The following AGPAT3 variants were observed in gnomAD, a reference collection of about 807,000 sequenced individuals.
AGPAT3 encodes the protein 1-acylglycerol-3-phosphate O-acyltransferase 3, also known as 1-acyl-sn-glycerol-3-phosphate acyltransferase gamma.
AGPAT3 carries 5 observed loss-of-function variants against 47.3 expected under a neutral mutation model. The observed-to-expected ratio is 0.11, with a 90% CI of 0.06 to 0.22. AGPAT3 has a LOEUF of 0.22. AGPAT3 is among the 10% of genes least tolerant of loss of function. AGPAT3 has a pLI of 1.00. For synonymous variants in AGPAT3, 212 were observed against 208.3 expected (o/e 1.02, Z -0.15); for missense variants, 315 against 493.0 (o/e 0.64, Z 3.42).
At chr21:43,977,726 A>G (rs1298744515) in intron 7 of AGPAT3, among the ~76,000 whole-genome samples, 2 of 152,180 alleles carry the variant, frequency 1.3e-5, no homozygotes, top group South Asian at 2.1e-4. Flanking sequence ...AAAAAAATAC[A>G]AAGAAAAAAA....
intron 2 of AGPAT3, among the ~76,000 whole-genome samples, chr21:43,949,689 A>G (rs2088091079): frequency 6.6e-6 from 1 of 152,126 alleles, no homozygotes; most frequent in South Asian, 2.1e-4. Flanking sequence ...GGGTTTTTCC[A>G]TTTGTTCAGC....
intron 3 of AGPAT3, chr21:43,967,044 G>C (rs1460267768): frequency 6.6e-6 from 1 of 152,308 alleles, no homozygotes; most frequent in African/African-American, 2.4e-5. Context: ...CAGTTCTCCC[G>C]AAGGTGAATG....
At chr21:43,923,586 C>T (rs2086960157) in intron 2 of AGPAT3, among the ~76,000 whole-genome samples, 13 of 152,220 alleles carry the variant, frequency 8.5e-5, no homozygotes, top group Admixed American at 8.5e-4. Context: ...TGATCCATGA[C>T]CCAACTGGCT....
rs534895749 is a variant in AGPAT3, at chr21:43,947,692, C to CTT, written c.-48-11929_-48-11928dup. 4.2e-4 allele frequency among the ~76,000 whole-genome samples: 59 copies of CTT among 142,066 alleles called. 1 individual carries two copies. The highest frequency in any genetic ancestry group is 7.4e-3 in the Middle Eastern group (2 of 272). The allele number at this position is 142,066 out of a possible 152,430, so 93.2% of individuals were successfully genotyped here. The stretch of plus-strand genomic sequence containing the variant: ...GCCATGCTGCTGTTTCTTTTCTTTT[C>CTT]TTTTTTTTTTTTTTGAGACAGAGTT... On this transcript the variant is annotated intron_variant, in intron 2 of 9. Coordinates refer to ENST00000291572, the MANE Select transcript of AGPAT3 (RefSeq NM_020132.5).
At chr21:43,892,212 C>T (rs1237160857) in intron 1 of AGPAT3, among the ~76,000 whole-genome samples, 1 of 151,504 alleles carries the variant, frequency 6.6e-6, no homozygotes, top group Non-Finnish European at 1.5e-5. Flanking sequence ...GAGGCCGAGA[C>T]AGGAGAATCG....
At chr21:43,940,715 C>G (rs2087624511) in intron 2 of AGPAT3, among the ~76,000 whole-genome samples, 1 of 152,244 alleles carries the variant, frequency 6.6e-6, no homozygotes, top group Non-Finnish European at 1.5e-5. Flanking sequence ...ACATGGTGAT[C>G]TGCACCCTGA....
chr21:43,909,221 C>A lies in AGPAT3; in HGVS notation c.-49+5202C>A, dbSNP rs573281856. ...GTGTGGCTTCCTCGGAAGCTACAGG[C>A]CCCTCGGTCCATGGCCCCTTCACGG... On this transcript the variant is annotated intron_variant, in intron 2 of 9. Transcript: ENST00000291572. Among the ~76,000 whole-genome samples the A allele has an allele frequency of 2.8e-4, 43 of 152,262 alleles. 1 individual carries two copies. Among genetic ancestry groups the A allele is most frequent in the African/African-American group, 1.0e-3 (42 of 41,560 alleles).
At position 43,922,500 on chromosome 21, in the gene AGPAT3, C is replaced by G. The variant is rs981011764; in HGVS notation, c.-49+18481C>G. On this transcript the variant is annotated intron_variant, in intron 2 of 9. Transcript: ENST00000291572. The surrounding 1 kb of genome is among the most constrained non-coding windows in gnomAD (Gnocchi z 4.9). The stretch of plus-strand genomic sequence containing the variant: ...CTGGGACCCTCCTTAACCCCACCCT[C>G]AAGGCAGGCAGCACGTGGAGGAGAG... Among the ~76,000 whole-genome samples the G allele has an allele frequency of 2.6e-5, 4 of 152,116 alleles. No homozygotes were observed. Among genetic ancestry groups the G allele is most frequent in the Admixed American group, 2.0e-4 (3 of 15,270 alleles).
intron 2 of AGPAT3, among the ~76,000 whole-genome samples, chr21:43,941,306 C>T (rs1013712347): frequency 6.6e-6 from 1 of 152,182 alleles, no homozygotes; most frequent in Non-Finnish European, 1.5e-5. Context: ...AATGCACTTC[C>T]ATTGCTAACA....
intron 1 of AGPAT3, among the ~76,000 whole-genome samples, chr21:43,887,850 C>T (rs1246072440): frequency 1.3e-5 from 2 of 152,114 alleles, no homozygotes; most frequent in Admixed American, 6.6e-5. Context: ...GACTGGGTTT[C>T]GCCATGTTGG....
Position 43,985,451 on chromosome 21 carries a change from C to A in AGPAT3, c.*3059C>A, listed in dbSNP as rs1285297086. 3 of 328,616 alleles carry A rather than the reference C, an allele frequency of 9.1e-6. No individual in the cohort carries two copies. Among genetic ancestry groups the A allele is most frequent in the African/African-American group, 2.2e-5 (1 of 45,824 alleles). The allele number at this position is 328,616 out of a possible 1,614,324, so 20.4% of individuals were successfully genotyped here. ...ATGAATTTTGAGTCTCTCTGCCTTG[C>A]CTGTCCCGACTCCCTTTCGCGCACC... On this transcript the variant is annotated 3_prime_UTR_variant, in exon 10 of 10. Transcript: ENST00000291572.
chr21:43,985,802 T>C lies in AGPAT3; in HGVS notation c.*3410T>C, dbSNP rs2030227951. 1 of 156,404 alleles carries C rather than the reference T, an allele frequency of 6.4e-6. No homozygotes were observed. The highest frequency in any genetic ancestry group is 2.4e-5 in the African/African-American group (1 of 41,482). The allele number at this position is 156,404 out of a possible 1,614,324, so 9.7% of individuals were successfully genotyped here. ...TGCAGGCCTCTGGCCTGTGGCTCACTGCATGCAGCCCCTGGCGTGCAATAC... is the reference window on the plus strand; with the variant it reads ...TGCAGGCCTCTGGCCTGTGGCTCACCGCATGCAGCCCCTGGCGTGCAATAC... On this transcript the variant is annotated 3_prime_UTR_variant, in exon 10 of 10. Coordinates refer to ENST00000291572, the MANE Select transcript of AGPAT3 (RefSeq NM_020132.5).
intron 8 of AGPAT3, among the ~76,000 whole-genome samples, chr21:43,980,691 T>G (rs1403184276): frequency 3.9e-5 from 6 of 152,206 alleles, no homozygotes; most frequent in African/African-American, 9.7e-5. Context: ...GCCGGGGCAG[T>G]GCTGGGCAGG....
chr21:43,934,929 CAT>C lies in AGPAT3; in HGVS notation c.-48-24704_-48-24703del, dbSNP rs1427600810. On this transcript the variant is annotated intron_variant, in intron 2 of 9. Transcript: ENST00000291572. This position sits in a 1 kb window ranked among gnomAD's most constrained non-coding sequence, Gnocchi z 4.7. Reference sequence around the variant, plus strand: ...CCACCCACACCACCTCTGCCCCTCACATGTCACCCACGCCACTCACATGCCAC... The same window carrying C: ...CCACCCACACCACCTCTGCCCCTCACGTCACCCACGCCACTCACATGCCAC... Among the ~76,000 whole-genome samples, 2 of 150,786 alleles carry C rather than the reference CAT, an allele frequency of 1.3e-5. No homozygotes were observed. Among genetic ancestry groups the C allele is most frequent in the African/African-American group, 4.9e-5 (2 of 40,916 alleles).
At chr21:43,935,460 C>A (rs914751345) in intron 2 of AGPAT3, among the ~76,000 whole-genome samples, 1 of 152,244 alleles carries the variant, frequency 6.6e-6, no homozygotes, top group Non-Finnish European at 1.5e-5. Flanking sequence ...CAGCATAGGC[C>A]CCACAATGTC....
rs538844134 is a variant in AGPAT3, at chr21:43,985,082, G to A, written c.*2690G>A. ...GGCGGGAGGGCCCAGGCCCACCCAC[G>A]GGCGTCTGGCCGGTCAAGCTCCCAG... On this transcript the variant is annotated 3_prime_UTR_variant, in exon 10 of 10. Transcript: ENST00000291572. 8.8e-6 allele frequency: 4 copies of A among 456,006 alleles called. No homozygotes were observed. Among genetic ancestry groups the A allele is most frequent in the South Asian group, 4.6e-5 (3 of 64,522 alleles). The allele number at this position is 456,006 out of a possible 1,614,324, so 28.2% of individuals were successfully genotyped here. A position where few individuals can be genotyped will look rare whatever the true frequency, so the allele number is the denominator to read the frequency against.
chr21:43,962,325 A>C (rs1425567582), intron 3 of AGPAT3, among the ~76,000 whole-genome samples: 1 of 152,056 alleles, frequency 6.6e-6, no homozygotes, highest in Non-Finnish European at 1.5e-5. Context: ...TTTTAAATGA[A>C]AGGCTGCTGC....
intron 2 of AGPAT3, among the ~76,000 whole-genome samples, chr21:43,918,156 TGTG>T (rs1196294931): frequency 2.0e-5 from 3 of 147,698 alleles, no homozygotes; most frequent in East Asian, 2.0e-4. Flanking sequence ...TTGTGGGTGT[TGTG>T]GGAGTTGTGG....
rs2089874730 is a variant in AGPAT3, at chr21:43,982,103, C to T, written c.1043-201C>T. Among the ~76,000 whole-genome samples, 1 of 152,222 alleles carries T rather than the reference C, an allele frequency of 6.6e-6. No homozygotes were observed. The highest frequency in any genetic ancestry group is 6.5e-5 in the Admixed American group (1 of 15,288). On this transcript the variant is annotated intron_variant, in intron 9 of 9. Coordinates refer to ENST00000291572, the MANE Select transcript of AGPAT3 (RefSeq NM_020132.5). The surrounding 1 kb of genome is among the most constrained non-coding windows in gnomAD (Gnocchi z 6.2). ...GACCCAGCCGGTCAGAAGACGTGCC[C>T]CTCACCCCTGCCTGAGCAGACCACG...
Sources: allele counts gnomAD v4.1 joint callset (sites outside exome capture counted in the v4.1 genomes callset), GRCh38; gene constraint gnomAD v4.1.1; non-coding constraint Gnocchi (gnomAD v3.1); transcripts MANE v1.5; gene names NCBI Gene and HGNC (gene_info 2026-07-23, HGNC 2026-07-21).